The following CADPS2 variants were observed in gnomAD, a reference collection of about 807,000 sequenced individuals.
CADPS2 encodes calcium dependent secretion activator 2.
A neutral mutation model predicts 172.5 loss-of-function variants in CADPS2; 93 were observed. That is an observed-to-expected ratio of 0.54 (90% confidence interval 0.46 to 0.64). The LOEUF (loss-of-function observed/expected upper bound fraction) is 0.64, where lower values mean the gene tolerates loss of function less well. Among genes scored for constraint, CADPS2 ranks in the 30% least tolerant of loss-of-function variants. The pLI is 0.00. For missense variants in CADPS2, 1,420 were observed against 1,565.9 expected (o/e 0.91, Z 1.57); for synonymous variants, 546 against 555.2 (o/e 0.98, Z 0.23).
At chr7:122,370,374 A>G (rs1240471378) in intron 25 of CADPS2, among the ~76,000 whole-genome samples, 1 of 152,224 alleles carries the variant, frequency 6.6e-6, no homozygotes, top group Admixed American at 6.5e-5. Flanking sequence ...TGTGAATTTC[A>G]ATCCTTTTTA....
chr7:122,707,870 A>T (rs1281571225), intron 2 of CADPS2, among the ~76,000 whole-genome samples: 1 of 151,696 alleles, frequency 6.6e-6, no homozygotes, highest in Non-Finnish European at 1.5e-5. Flanking sequence ...GGTTAAAAAA[A>T]CTTCATAGTT....
chr7:122,569,834 G>A (rs1587416937), intron 7 of CADPS2, among the ~76,000 whole-genome samples: 1 of 144,270 alleles, frequency 6.9e-6, no homozygotes, highest in Admixed American at 7.0e-5. Flanking sequence ...GCCATATGGA[G>A]AAAGCTGAAA....
At chr7:122,333,654 C>A (rs1425275440) in intron 28 of CADPS2, among the ~76,000 whole-genome samples, 3 of 152,182 alleles carry the variant, frequency 2.0e-5, no homozygotes, top group African/African-American at 4.8e-5. Context: ...CTATCTCTTA[C>A]TAGGTACAAT....
At chr7:122,375,732 G>A (rs1246876043) in intron 25 of CADPS2, among the ~76,000 whole-genome samples, 1 of 151,868 alleles carries the variant, frequency 6.6e-6, no homozygotes, top group Non-Finnish European at 1.5e-5. Flanking sequence ...GATACAAAAA[G>A]CACAGGCAAC....
intron 19 of CADPS2, among the ~76,000 whole-genome samples, chr7:122,410,774 A>T (rs761002416): frequency 5.9e-5 from 9 of 152,278 alleles, no homozygotes; most frequent in African/African-American, 1.4e-4. Flanking sequence ...TGAAATTCAT[A>T]TAAATCTTAT....
chr7:122,680,807 C>A (rs533124338), intron 2 of CADPS2, among the ~76,000 whole-genome samples: 5 of 152,166 alleles, frequency 3.3e-5, no homozygotes, highest in African/African-American at 1.2e-4. Flanking sequence ...ATAAATCATG[C>A]TTCTATAAAG....
At chr7:122,499,438 C>CT (rs929196503) in intron 9 of CADPS2, among the ~76,000 whole-genome samples, 7 of 147,216 alleles carry the variant, frequency 4.8e-5, no homozygotes, top group African/African-American at 1.7e-4. Flanking sequence ...TAAAGTTTTT[C>CT]TTTTTTTTCC....
intron 7 of CADPS2, among the ~76,000 whole-genome samples, chr7:122,566,788 T>C (rs1191470042): frequency 2.6e-5 from 4 of 152,190 alleles, no homozygotes; most frequent in African/African-American, 7.2e-5. Context: ...AAGTAACTAA[T>C]TCTGCTTTCT....
chr7:122,437,774 A>C (rs1016239009), intron 17 of CADPS2, among the ~76,000 whole-genome samples: 1 of 151,580 alleles, frequency 6.6e-6, no homozygotes, highest in African/African-American at 2.4e-5. Context: ...ACATTTAAAA[A>C]ATTAGTATCC....
chr7:122,467,001 A>G (rs1394222021), intron 14 of CADPS2, among the ~76,000 whole-genome samples: 2 of 152,192 alleles, frequency 1.3e-5, no homozygotes, highest in Admixed American at 1.3e-4. Flanking sequence ...TTGGGTGAGT[A>G]TAAATATTGC....
chr7:122,783,864 G>C (rs1793392912), intron 1 of CADPS2, among the ~76,000 whole-genome samples: 1 of 152,130 alleles, frequency 6.6e-6, no homozygotes, highest in Admixed American at 6.5e-5. Flanking sequence ...ATTTACTAAA[G>C]GTAAGGATTA....
At chr7:122,417,162 T>TG (rs1292556518) in intron 17 of CADPS2, among the ~76,000 whole-genome samples, 1 of 152,180 alleles carries the variant, frequency 6.6e-6, no homozygotes, top group Non-Finnish European at 1.5e-5. Flanking sequence ...AGGAGACACT[T>TG]TCATTTGCTC....
chr7:122,422,184 G>A (rs1338384608), intron 17 of CADPS2: 2 of 152,202 alleles, frequency 1.3e-5, no homozygotes, highest in Non-Finnish European at 2.9e-5. Context: ...GGAAAGGAAG[G>A]ACTATAGTTT....
intron 8 of CADPS2, among the ~76,000 whole-genome samples, chr7:122,531,789 T>C (rs575075524): frequency 5.3e-5 from 8 of 152,052 alleles, no homozygotes; most frequent in Admixed American, 1.3e-4. Context: ...TCCCAGCACT[T>C]TGGGAGGCTG....
intron 1 of CADPS2, among the ~76,000 whole-genome samples, chr7:122,826,818 C>T (rs1345555442): frequency 6.6e-6 from 1 of 151,610 alleles, no homozygotes; most frequent in Non-Finnish European, 1.5e-5. Context: ...AAATTTGTAG[C>T]ATTAAATGCA....
At chr7:122,364,257 T>A (rs952604763) in intron 25 of CADPS2, among the ~76,000 whole-genome samples, 2 of 150,080 alleles carry the variant, frequency 1.3e-5, no homozygotes, top group Non-Finnish European at 3.0e-5. Context: ...CAAAAAAAAA[T>A]TAAAAAAATT....
chr7:122,551,723 A>G (rs1471632581), intron 8 of CADPS2, among the ~76,000 whole-genome samples: 1 of 152,142 alleles, frequency 6.6e-6, no homozygotes, highest in Non-Finnish European at 1.5e-5. Context: ...TAATATTTTT[A>G]AAACTTGACT....
At chr7:122,690,174 G>A (rs1006530977) in intron 2 of CADPS2, among the ~76,000 whole-genome samples, 5 of 152,128 alleles carry the variant, frequency 3.3e-5, no homozygotes, top group African/African-American at 9.7e-5. Flanking sequence ...AAGCAAGCAC[G>A]GATACTAACC....
In CADPS2 at chr7:122,702,690, G is replaced by A. The variant is rs930553781; in HGVS notation, c.453+34265C>T. ...AAGCTAAGTAGTAGAAAGATACTAA[G>A]CCTCAAAAGTCCAGATGAAACAGAA... On this transcript the variant is annotated intron_variant, in intron 2 of 29. Transcript: ENST00000449022. 30 of 1,612,708 alleles carry A rather than the reference G, an allele frequency of 1.9e-5. No individual in the cohort carries two copies. Among genetic ancestry groups the A allele is most frequent in the Admixed American group, 8.4e-5 (5 of 59,752 alleles).
Sources: gnomAD v4.1 joint callset for allele counts (sites outside exome capture counted in the v4.1 genomes callset) on GRCh38, gnomAD v4.1.1 for gene constraint, MANE v1.5 for transcripts, NCBI Gene and HGNC (gene_info 2026-07-23, HGNC 2026-07-21) for gene names.